RNF212B: variants seen among roughly 807,000 people sequenced by gnomAD.
RNF212B encodes E3 ubiquitin-protein ligase RNF212B.
A neutral mutation model predicts 55.5 loss-of-function variants in RNF212B; 52 were observed. That is an observed-to-expected ratio of 0.94 (90% confidence interval 0.75 to 1.18). The LOEUF is 1.18. Ranked by LOEUF, RNF212B falls within the 50% of genes most tolerant of loss-of-function variation. The pLI is 0.00. For synonymous variants in RNF212B, 99 were observed against 121.4 expected, an observed-to-expected ratio of 0.82 and a Z score of 1.21; for missense variants, 289 against 350.4, an observed-to-expected ratio of 0.82 and a Z score of 1.40.
chr14:23,246,710 G>A (rs976271320), intron 4 of RNF212B, among the ~76,000 whole-genome samples: 11 of 152,122 alleles, frequency 7.2e-5, no homozygotes, highest in African/African-American at 2.7e-4. Context: ...TTACAGGTGT[G>A]AGCCACCATG....
At chr14:23,185,777 A>G (rs1877531167) in intron 1 of RNF212B, among the ~76,000 whole-genome samples, 1 of 152,160 alleles carries the variant, frequency 6.6e-6, no homozygotes. Context: ...TAAGTGGCTT[A>G]TTACCATTGA....
At chr14:23,240,805 G>A (rs1000746513) in intron 2 of RNF212B, among the ~76,000 whole-genome samples, 2 of 152,200 alleles carry the variant, frequency 1.3e-5, no homozygotes, top group Admixed American at 1.3e-4. Context: ...CATTTCTAAA[G>A]GGGAAGTGGT....
Position 23,250,004 on chromosome 14 carries a change from G to A in RNF212B, c.228+5608G>A, listed in dbSNP as rs78466639. Reference sequence around the variant, plus strand: ...GATACATAGTTACCTTAACGTTCTGGTTCCTCCTAACCTCTCCAATTTCAA... The same window carrying A: ...GATACATAGTTACCTTAACGTTCTGATTCCTCCTAACCTCTCCAATTTCAA... On this transcript the variant is annotated intron_variant, in intron 4 of 14. Transcript: ENST00000430154. 5.7e-3 allele frequency among the ~76,000 whole-genome samples: 866 copies of A among 152,120 alleles called. 9 individuals are homozygous for A. Among genetic ancestry groups the A allele is most frequent in the African/African-American group, 0.02 (818 of 41,478 alleles).
intron 1 of RNF212B, among the ~76,000 whole-genome samples, chr14:23,187,269 T>C (rs993831275): frequency 5.3e-5 from 8 of 152,148 alleles, no homozygotes; most frequent in African/African-American, 1.7e-4. Flanking sequence ...ACAGAAAAGG[T>C]TATGGCTTGG....
intron 2 of RNF212B, among the ~76,000 whole-genome samples, chr14:23,224,825 A>G (rs1389241104): frequency 6.6e-6 from 1 of 152,218 alleles, no homozygotes; most frequent in Non-Finnish European, 1.5e-5. Context: ...CAATCCACAG[A>G]ATGAGAGAAT....
At chr14:23,192,588 T>A (rs1052000075) in intron 1 of RNF212B, among the ~76,000 whole-genome samples, 4 of 151,638 alleles carry the variant, frequency 2.6e-5, no homozygotes, top group Admixed American at 1.3e-4. Context: ...CTAATGTGAA[T>A]GACGAGTTAA....
At chr14:23,186,436 G>A (rs1877605001) in intron 1 of RNF212B, among the ~76,000 whole-genome samples, 1 of 151,062 alleles carries the variant, frequency 6.6e-6, no homozygotes. Context: ...TGCAACCTCT[G>A]GCTCCTAGGT....
rs199843559 is a variant in RNF212B, at chr14:23,187,595, A to AT, written c.-79+2114dup. Among the ~76,000 whole-genome samples, 367 of 151,794 alleles carry AT rather than the reference A, an allele frequency of 2.4e-3. 2 individuals carry two copies. Among genetic ancestry groups the AT allele is most frequent in the African/African-American group, 8.2e-3 (338 of 41,368 alleles). On this transcript the variant is annotated intron_variant, in intron 1 of 15. Coordinates refer to the RNF212B transcript ENST00000399910. ...ACAAAGCTCATGCACTCCATTCCTG[A>AT]TTTTTTTTTCTAGATCCAATAGACA... is the stretch of plus-strand genomic sequence containing the variant.
chr14:23,213,040 T>C (rs1002691190), intron 2 of RNF212B, among the ~76,000 whole-genome samples: 4 of 151,838 alleles, frequency 2.6e-5, no homozygotes, highest in African/African-American at 4.8e-5. Flanking sequence ...AGGCCGGGCA[T>C]GGTGGGTTAT....
chr14:23,262,765 T>G (rs934025118), intron 8 of RNF212B, 54 bp downstream of exon 8: 1 of 1,510,880 alleles, frequency 6.6e-7, no homozygotes, highest in African/African-American at 1.4e-5. Context: ...CCTTTCCTTA[T>G]GTAGAAGATG....
intron 2 of RNF212B, among the ~76,000 whole-genome samples, chr14:23,232,525 A>G (rs904286867): frequency 4.0e-5 from 6 of 149,108 alleles, no homozygotes; most frequent in Admixed American, 2.0e-4. Flanking sequence ...GTCTCTGCCC[A>G]GCAGCCACCC....
chr14:23,208,757 G>GTTTTTTTTTTTTTTTTTTTT (rs1166613606), intron 2 of RNF212B, among the ~76,000 whole-genome samples: 3 of 98,116 alleles, frequency 3.1e-5, no homozygotes, highest in African/African-American at 9.1e-5. Flanking sequence ...GCTGGTTGCC[G>GTTTTTTTTTTTTTTTTTTTT]TTTTTTTTTT....
chr14:23,261,158 G>A (rs1885269698), intron 7 of RNF212B: 1 of 292,580 alleles, frequency 3.4e-6, no homozygotes, highest in Non-Finnish European at 6.5e-6. Flanking sequence ...ATGAAAAGGG[G>A]CAAAGGTAGA....
chr14:23,203,224 A>G (rs1347076971), intron 2 of RNF212B, among the ~76,000 whole-genome samples: 1 of 151,854 alleles, frequency 6.6e-6, no homozygotes, highest in East Asian at 1.9e-4. Context: ...CAGATCAGTG[A>G]GAACATATGA....
chr14:23,205,106 T>G (rs779309815), intron 2 of RNF212B, among the ~76,000 whole-genome samples: 1 of 152,188 alleles, frequency 6.6e-6, no homozygotes, highest in Non-Finnish European at 1.5e-5. Flanking sequence ...ATTTTAGGAC[T>G]AAACATTTAC....
chr14:23,246,669 C>G (rs1325620520), intron 4 of RNF212B, among the ~76,000 whole-genome samples: 1 of 152,144 alleles, frequency 6.6e-6, no homozygotes, highest in African/African-American at 2.4e-5. Context: ...CTCAAGCAGT[C>G]CTCCCACCTT....
intron 5 of RNF212B, among the ~76,000 whole-genome samples, 159 bp from the exon 6 acceptor site, chr14:23,259,725 A>G (rs1434398274): frequency 6.6e-6 from 1 of 152,130 alleles, no homozygotes; most frequent in Non-Finnish European, 1.5e-5. Flanking sequence ...AAACCCTGCC[A>G]TTAGTCTCCT....
At chr14:23,237,422 C>T (rs4982745), upstream of RNF212B, among the ~76,000 whole-genome samples, 2,644 of 152,118 alleles carry the variant, frequency 0.017, 146 homozygotes, top group Admixed American at 0.1. Flanking sequence ...GAGCCACCGC[C>T]CCTGGCCAAA....
At chr14:23,216,578 A>T (rs1053928862) in intron 2 of RNF212B, among the ~76,000 whole-genome samples, 1 of 151,888 alleles carries the variant, frequency 6.6e-6, no homozygotes, top group Non-Finnish European at 1.5e-5. Context: ...AAAAAAAAAA[A>T]AAAATAATAA....
Sources: gnomAD v4.1 joint callset for allele counts (sites outside exome capture counted in the v4.1 genomes callset) on GRCh38, gnomAD v4.1.1 for gene constraint, MANE v1.5 for transcripts, NCBI Gene and HGNC (gene_info 2026-07-23, HGNC 2026-07-21) for gene names.